Variants in PRSS3 observed in about 807,000 individuals in gnomAD.
PRSS3 encodes the protein serine protease 3.
Under a neutral mutation model 20.8 loss-of-function variants are expected in PRSS3, and 14 were observed. The ratio of observed to expected loss-of-function variants is 0.67; its 90% CI spans 0.44 to 1.05. PRSS3 has a LOEUF of 1.05. PRSS3 is among the 50% of genes least tolerant of loss of function. The probability of loss-of-function intolerance (pLI) is 0.00; values close to 1 mark genes in which losing one functional copy is unlikely to be tolerated. For missense variants in PRSS3, 237 were observed against 306.4 expected (o/e 0.77, Z 1.69); for synonymous variants, 91 against 117.6 (o/e 0.77, Z 1.46).
rs1825204693 is a variant in PRSS3, at chr9:33,799,184, C to T, written c.*4C>T. ...CACCATCGCTGCCAACAGCTAAAGC[C>T]CCCGGTCCCTCTGCAGTCTCTATAC... On this transcript the variant is annotated 3_prime_UTR_variant, in exon 5 of 5. Transcript: ENST00000379405. 6.2e-7 allele frequency: 1 copy of T among 1,614,082 alleles called. No individual in the cohort carries two copies. Among genetic ancestry groups the T allele is most frequent in the Non-Finnish European group, 8.5e-7 (1 of 1,179,982 alleles).
At chr9:33,794,248 T>C (rs530101792), upstream of PRSS3, among the ~76,000 whole-genome samples, 114 of 152,308 alleles carry the variant, frequency 7.5e-4, no homozygotes, top group South Asian at 2.9e-3. Flanking sequence ...CTTTTACTTT[T>C]CAAAGAATTT....
chr9:33,780,210 CCA>C (rs1824125210), intron 1 of PRSS3, among the ~76,000 whole-genome samples: 1 of 152,048 alleles, frequency 6.6e-6, no homozygotes, highest in Non-Finnish European at 1.5e-5. Flanking sequence ...ATCAGGCTAG[CCA>C]CAGACTTCTC....
At chr9:33,766,169 G>A (rs906902326) in intron 1 of PRSS3, among the ~76,000 whole-genome samples, 2 of 149,692 alleles carry the variant, frequency 1.3e-5, no homozygotes, top group African/African-American at 4.9e-5. Flanking sequence ...GGAGGCTGAG[G>A]CAGGAGAATC....
At position 33,758,861 on chromosome 9, in the gene PRSS3, A is replaced by G. The variant is rs531092007; in HGVS notation, c.-53+8134A>G. On this transcript the variant is annotated intron_variant, in intron 1 of 5. Coordinates refer to the PRSS3 transcript ENST00000342836. ...AGTTCAGTTTAAGAACTATTATTAT[A>G]TATCAAGCTTGTGCTAGTTTATGAT... is the stretch of plus-strand genomic sequence containing the variant. Among the ~76,000 whole-genome samples the G allele has an allele frequency of 2.6e-5, 4 of 152,334 alleles. No individual in the cohort carries two copies. In the East Asian group the frequency reaches 5.8e-4, roughly 22 times the overall value.
At chr9:33,791,035 G>T (rs2005616), upstream of PRSS3, among the ~76,000 whole-genome samples, 90,200 of 152,034 alleles carry the variant, frequency 0.59, 27,119 homozygotes, top group East Asian at 0.81. Context: ...TGTTTTAGTT[G>T]CGGGGAGGAT....
chr9:33,764,768 G>A (rs1415019986), intron 1 of PRSS3, among the ~76,000 whole-genome samples: 6 of 152,146 alleles, frequency 3.9e-5, no homozygotes, highest in Non-Finnish European at 7.3e-5. Context: ...GAAAATATTT[G>A]CAAATAATAT....
rs1275750863 is a variant in PRSS3 at position 33,772,118 on chromosome 9, C to T, written c.-53+21391C>T. Among the ~76,000 whole-genome samples the T allele has an allele frequency of 3.3e-5, 5 of 152,110 alleles. No homozygotes were observed. In the East Asian group the frequency reaches 9.6e-4, roughly 29 times the overall value. ...AATTCCTGACCTCAGGTGATCCACC[C>T]ACCTCAGCCTCCCAATGTGCTGGGA... is the stretch of plus-strand genomic sequence containing the variant. On this transcript the variant is annotated intron_variant, in intron 1 of 5. Coordinates refer to the PRSS3 transcript ENST00000342836.
intron 1 of PRSS3, among the ~76,000 whole-genome samples, chr9:33,781,779 G>A (rs1264965678): frequency 6.6e-6 from 1 of 152,178 alleles, no homozygotes; most frequent in Non-Finnish European, 1.5e-5. Context: ...GATTCTAGAA[G>A]GTATATGAAC....
chr9:33,780,239 G>A (rs1363934543), intron 1 of PRSS3, among the ~76,000 whole-genome samples: 1 of 152,094 alleles, frequency 6.6e-6, no homozygotes, highest in Non-Finnish European at 1.5e-5. Flanking sequence ...AAACTTATAC[G>A]CCAGAAGAGA....
At chr9:33,795,289 C>A (rs1324483599), upstream of PRSS3, among the ~76,000 whole-genome samples, 1 of 151,910 alleles carries the variant, frequency 6.6e-6, no homozygotes, top group Admixed American at 6.6e-5. Context: ...GCTGTGTGAT[C>A]CGGGGATTGG....
At chr9:33,786,627 C>T (rs180833344) in intron 1 of PRSS3, 123 of 766,414 alleles carry the variant, frequency 1.6e-4, no homozygotes, top group Admixed American at 2.9e-4. Flanking sequence ...AGCCAAGTCA[C>T]CATGATGTTC....
At chr9:33,794,608 C>A, upstream of PRSS3, 1 of 1,017,110 alleles carries the variant, frequency 9.8e-7, no homozygotes, top group Non-Finnish European at 1.4e-6. Context: ...AAAATCTCTA[C>A]CTACTGCTGA....
At chr9:33,791,663 C>G (rs1225123655), upstream of PRSS3, among the ~76,000 whole-genome samples, 1 of 152,158 alleles carries the variant, frequency 6.6e-6, no homozygotes, top group Non-Finnish European at 1.5e-5. Context: ...CTAAGGGAGC[C>G]TGGACTCACT....
At chr9:33,780,970 G>C (rs1394443501) in intron 1 of PRSS3, among the ~76,000 whole-genome samples, 1 of 152,200 alleles carries the variant, frequency 6.6e-6, no homozygotes, top group Non-Finnish European at 1.5e-5. Flanking sequence ...GTGTTAGACA[G>C]ATCATTGAGG....
chr9:33,797,833 A>G lies in PRSS3; in HGVS notation c.205A>G (p.Ile69Val). The change falls in exon 3 of 5, where the codon ATC (isoleucine) becomes GTC (valine). Residue 69 changes from isoleucine (I) to valine (V), a missense_variant. By Grantham distance (29) the Ile-to-Val change is conservative. Coordinates refer to ENST00000379405, the MANE Select transcript of PRSS3 (RefSeq NM_002771.4). ...CATGCCTGCCCTGCCCATCAGCCGCATCCAGGTGAGACTGGGAGAGCACAA... is the reference window on the plus strand; with the variant it reads ...CATGCCTGCCCTGCCCATCAGCCGCGTCCAGGTGAGACTGGGAGAGCACAA... ...VSAAHCYKTR[I>V]QVRLGEHNIK... 1.2e-6 allele frequency: 2 copies of G among 1,614,252 alleles called. No homozygotes were observed. The highest frequency in any genetic ancestry group is 1.7e-6 in the Non-Finnish European group (2 of 1,180,044).
At chr9:33,760,248 T>C (rs1041818012) in intron 1 of PRSS3, among the ~76,000 whole-genome samples, 1 of 151,476 alleles carries the variant, frequency 6.6e-6, no homozygotes, top group African/African-American at 2.4e-5. Flanking sequence ...GTCCTTTCAC[T>C]CTAATGTATG....
intron 1 of PRSS3, among the ~76,000 whole-genome samples, chr9:33,763,042 C>G (rs1056208080): frequency 2.0e-5 from 3 of 152,116 alleles, no homozygotes; most frequent in Admixed American, 6.5e-5. Context: ...AAGGTCTTAC[C>G]AGTAAAAGTG....
rs541911262 is a variant in PRSS3, at chr9:33,771,444, G to T, written c.-53+20717G>T. Among the ~76,000 whole-genome samples, 4 of 151,428 alleles carry T rather than the reference G, an allele frequency of 2.6e-5. No homozygotes were observed. In the South Asian group the frequency reaches 8.3e-4, roughly 32 times the overall value. ...GGGTTCAAGAGTTTCTCCTGCCTCA[G>T]CCTCCTGAGTAGCTGGGATTACAGG... On this transcript the variant is annotated intron_variant, in intron 1 of 5. Coordinates refer to the PRSS3 transcript ENST00000342836.
intron 1 of PRSS3, among the ~76,000 whole-genome samples, chr9:33,756,338 A>G (rs1377674186): frequency 6.6e-6 from 1 of 152,006 alleles, no homozygotes; most frequent in Admixed American, 6.6e-5. Flanking sequence ...TGTTGTTCAT[A>G]TTCTGATATT....
Sources: allele counts gnomAD v4.1 joint callset (sites outside exome capture counted in the v4.1 genomes callset), GRCh38; gene constraint gnomAD v4.1.1; transcripts MANE v1.5; gene names NCBI Gene and HGNC (gene_info 2026-07-23, HGNC 2026-07-21).